PKP4: variants seen among roughly 807,000 people sequenced by gnomAD.
PKP4 encodes plakophilin 4.
A neutral mutation model predicts 145.1 loss-of-function variants in PKP4; 90 were observed. The ratio of observed to expected loss-of-function variants is 0.62; its 90% CI spans 0.52 to 0.74. PKP4 has a LOEUF of 0.74. PKP4 is among the 30% of genes least tolerant of loss of function. PKP4 has a pLI of 0.00. For synonymous variants in PKP4, 563 were observed against 577.2 expected, an observed-to-expected ratio of 0.98 and a Z score of 0.35; for missense variants, 1,340 against 1,482.7, an observed-to-expected ratio of 0.90 and a Z score of 1.58.
chr2:158,646,120 A>G (rs113801177), intron 11 of PKP4, among the ~76,000 whole-genome samples: 1,748 of 152,346 alleles, frequency 0.011, 40 homozygotes, highest in African/African-American at 0.039. Flanking sequence ...ATGTAAAACT[A>G]AGAAGTACCT....
chr2:158,562,999 C>T (rs2046674721), intron 2 of PKP4, among the ~76,000 whole-genome samples: 1 of 152,120 alleles, frequency 6.6e-6, no homozygotes, highest in Non-Finnish European at 1.5e-5. Flanking sequence ...AGCCAAAAAG[C>T]ATCTTTCTAA....
intron 1 of PKP4, among the ~76,000 whole-genome samples, chr2:158,465,614 A>G (rs537270113): frequency 6.6e-6 from 1 of 152,202 alleles, no homozygotes; most frequent in South Asian, 2.1e-4. Flanking sequence ...TATAAGCCCA[A>G]ACTTGCTGTT....
intron 1 of PKP4, among the ~76,000 whole-genome samples, chr2:158,474,236 C>G (rs1445455274): frequency 2.0e-5 from 3 of 152,236 alleles, no homozygotes; most frequent in African/African-American, 4.8e-5. Context: ...GTACAAGACT[C>G]TGGCTGACTT....
intron 2 of PKP4, among the ~76,000 whole-genome samples, chr2:158,545,460 A>G (rs2044933080): frequency 6.6e-6 from 1 of 152,226 alleles, no homozygotes; most frequent in South Asian, 2.1e-4. Flanking sequence ...GTTGAGCACT[A>G]ATAAAATCTC....
intron 11 of PKP4, among the ~76,000 whole-genome samples, chr2:158,657,905 C>G (rs1182654828): frequency 6.6e-6 from 1 of 152,084 alleles, no homozygotes; most frequent in Non-Finnish European, 1.5e-5. Flanking sequence ...AATATTCACC[C>G]TCTAAAATCC....
intron 3 of PKP4, chr2:158,589,036 G>A (rs1433548212): frequency 1.3e-5 from 2 of 152,128 alleles, no homozygotes; most frequent in Non-Finnish European, 2.9e-5. Flanking sequence ...TGCTGTTGAT[G>A]AGGTTGCACT....
intron 1 of PKP4, among the ~76,000 whole-genome samples, chr2:158,532,868 T>C (rs1182264244): frequency 6.6e-6 from 1 of 152,230 alleles, no homozygotes; most frequent in East Asian, 1.9e-4. Flanking sequence ...TCTTTTCTGT[T>C]GCAAAAACCT....
At chr2:158,600,000 TG>T (rs2050092127) in intron 3 of PKP4, among the ~76,000 whole-genome samples, 1 of 152,190 alleles carries the variant, frequency 6.6e-6, no homozygotes, top group Non-Finnish European at 1.5e-5. Flanking sequence ...TGCATCTGAA[TG>T]AAAAAAATTA....
chr2:158,665,233 G>A (rs1235594421), intron 15 of PKP4, among the ~76,000 whole-genome samples: 1 of 152,178 alleles, frequency 6.6e-6, no homozygotes, highest in Non-Finnish European at 1.5e-5. Flanking sequence ...TGAGACAGAA[G>A]GAGATGGTTC....
intron 1 of PKP4, among the ~76,000 whole-genome samples, chr2:158,529,684 T>G (rs2043337129): frequency 6.6e-6 from 1 of 152,236 alleles, no homozygotes; most frequent in Non-Finnish European, 1.5e-5. Context: ...GTTTCACTTA[T>G]GATTCACTCA....
At chr2:158,476,387 G>A (rs902566038) in intron 1 of PKP4, among the ~76,000 whole-genome samples, 6 of 152,158 alleles carry the variant, frequency 3.9e-5, no homozygotes, top group South Asian at 2.1e-4. Flanking sequence ...CCGGAGTGCA[G>A]TGGTGTGAGT....
chr2:158,529,026 G>A (rs1188124131), intron 1 of PKP4, among the ~76,000 whole-genome samples: 2 of 152,184 alleles, frequency 1.3e-5, no homozygotes, highest in Non-Finnish European at 2.9e-5. Flanking sequence ...GCCACACACA[G>A]TGCAGCATCT....
At chr2:158,527,370 AAAC>A (rs1279925928) in intron 1 of PKP4, among the ~76,000 whole-genome samples, 1 of 131,454 alleles carries the variant, frequency 7.6e-6, no homozygotes, top group Non-Finnish European at 1.6e-5. Flanking sequence ...AACCTGAGAA[AAAC>A]AAGCAATGGG....
intron 1 of PKP4, among the ~76,000 whole-genome samples, chr2:158,531,054 T>A (rs187946822): frequency 6.6e-6 from 1 of 151,974 alleles, no homozygotes; most frequent in Admixed American, 6.6e-5. Flanking sequence ...CCTGGGAGAG[T>A]GGTACTCAGA....
intron 17 of PKP4, among the ~76,000 whole-genome samples, chr2:158,671,425 G>A (rs1424254814): frequency 6.6e-6 from 1 of 152,118 alleles, no homozygotes; most frequent in Non-Finnish European, 1.5e-5. Context: ...AATCACTTAT[G>A]CTCTTAAAAT....
chr2:158,550,497 G>C (rs901487088), intron 2 of PKP4, among the ~76,000 whole-genome samples: 2 of 152,210 alleles, frequency 1.3e-5, no homozygotes, highest in Non-Finnish European at 2.9e-5. Context: ...TGGACAAACA[G>C]TGTGACCCAA....
intron 1 of PKP4, among the ~76,000 whole-genome samples, chr2:158,495,639 G>A (rs1214506033): frequency 6.6e-6 from 1 of 151,924 alleles, no homozygotes; most frequent in East Asian, 2.0e-4. Context: ...TTCAAGACCA[G>A]CCTGGCCAAC....
At chr2:158,507,606 T>C (rs757152872) in intron 1 of PKP4, among the ~76,000 whole-genome samples, 4 of 152,240 alleles carry the variant, frequency 2.6e-5, no homozygotes, top group African/African-American at 9.6e-5. Flanking sequence ...GCTTGGACTC[T>C]TGACTTCTTG....
intron 2 of PKP4, among the ~76,000 whole-genome samples, chr2:158,553,683 G>A (rs2045827633): frequency 6.6e-6 from 1 of 152,164 alleles, no homozygotes; most frequent in Admixed American, 6.5e-5. Context: ...TTTGGGAAAG[G>A]TGGCTCCTTT....
Sources: allele counts gnomAD v4.1 joint callset (sites outside exome capture counted in the v4.1 genomes callset), GRCh38; gene constraint gnomAD v4.1.1; transcripts MANE v1.5; gene names NCBI Gene and HGNC (gene_info 2026-07-23, HGNC 2026-07-21).